Variants in ADAM23 observed in about 807,000 individuals in gnomAD.
The protein encoded by ADAM23 is ADAM metallopeptidase domain 23.
ADAM23 carries 33 observed loss-of-function variants against 120.1 expected under a neutral mutation model. The observed-to-expected ratio is 0.27, with a 90% CI of 0.21 to 0.37. ADAM23 has a LOEUF of 0.37. Ranked by LOEUF, ADAM23 falls within the 10% of genes least tolerant of loss-of-function variation. The probability of loss-of-function intolerance (pLI) is 1.00; values close to 1 mark genes in which losing one functional copy is unlikely to be tolerated. For missense variants in ADAM23, 862 were observed against 1,058.2 expected, an observed-to-expected ratio of 0.81 and a Z score of 2.57; for synonymous variants, 367 against 375.2, an observed-to-expected ratio of 0.98 and a Z score of 0.25.
At chr2:206,583,741 C>T (rs894555946) in intron 18 of ADAM23, among the ~76,000 whole-genome samples, 3 of 152,068 alleles carry the variant, frequency 2.0e-5, no homozygotes, top group African/African-American at 7.2e-5. Flanking sequence ...TTACTATTTC[C>T]ATGAATATTT....
Position 206,445,477 on chromosome 2 carries a change from T to TA in ADAM23, c.386dup (p.Tyr129Ter). 1 of 1,614,138 alleles carries TA rather than the reference T, an allele frequency of 6.2e-7. No homozygotes were observed. Among genetic ancestry groups the TA allele is most frequent in the Non-Finnish European group, 8.5e-7 (1 of 1,180,006 alleles). Residue 129 changes from tyrosine (Y) to a stop codon, truncating the protein, a stop_gained and frameshift_variant, in exon 2 of 26, where the codon TAT becomes TAAT. Coordinates refer to ENST00000264377, the MANE Select transcript of ADAM23 (RefSeq NM_003812.4). LOFTEE classifies it high-confidence loss of function. Reference protein sequence around the residue: ...YYINQDSESPYHVLDTKARHQ... With the variant: ...YYINQDSESP ...CATCAACCAAGACTCGGAAAGCCCT[T>TA]ATCACGTTCTTGACACAAAGGCAAG...
Position 206,496,405 on chromosome 2 carries a change from G to C in ADAM23, c.509+15097G>C, listed in dbSNP as rs1696248841. ...ACAACCTGCTCCTGAATAACTACTGGGTACATAACGAAATGAAGGCAGAAA... is the reference window on the plus strand; with the variant it reads ...ACAACCTGCTCCTGAATAACTACTGCGTACATAACGAAATGAAGGCAGAAA... On this transcript the variant is annotated intron_variant, in intron 3 of 25. Coordinates refer to ENST00000264377, the MANE Select transcript of ADAM23 (RefSeq NM_003812.4). Among the ~76,000 whole-genome samples, 7 of 151,918 alleles carry C rather than the reference G, an allele frequency of 4.6e-5. No individual in the cohort carries two copies. In the South Asian group the frequency reaches 1.5e-3, roughly 32 times the overall value.
chr2:206,464,743 G>A (rs1392994159), intron 2 of ADAM23, among the ~76,000 whole-genome samples: 1 of 152,076 alleles, frequency 6.6e-6, no homozygotes, highest in Non-Finnish European at 1.5e-5. Context: ...GCAGTGTCTG[G>A]AGATATTTTT....
At chr2:206,604,245 G>A (rs978668421) in intron 24 of ADAM23, among the ~76,000 whole-genome samples, 4 of 151,836 alleles carry the variant, frequency 2.6e-5, no homozygotes, top group Non-Finnish European at 5.9e-5. Context: ...CAGCCTGGGC[G>A]ACAGAGCGAG....
intron 24 of ADAM23, among the ~76,000 whole-genome samples, chr2:206,602,344 G>A (rs1352060581): frequency 1.3e-5 from 2 of 152,076 alleles, no homozygotes; most frequent in Admixed American, 1.3e-4. Context: ...ATTTGTCCAT[G>A]TATCTAAAAA....
At chr2:206,598,071 C>T (rs1162595909) in intron 24 of ADAM23, among the ~76,000 whole-genome samples, 1 of 152,184 alleles carries the variant, frequency 6.6e-6, no homozygotes, top group Non-Finnish European at 1.5e-5. Flanking sequence ...CACTTTTACA[C>T]TTAGTCTTTT....
At chr2:206,611,236 G>T (rs541359781) in intron 25 of ADAM23, among the ~76,000 whole-genome samples, 1 of 152,120 alleles carries the variant, frequency 6.6e-6, no homozygotes, top group South Asian at 2.1e-4. Flanking sequence ...TTTTCTCTCG[G>T]TATATTTGTA....
chr2:206,495,719 AG>A (rs1254840201), intron 3 of ADAM23, among the ~76,000 whole-genome samples: 1 of 152,216 alleles, frequency 6.6e-6, no homozygotes, highest in Non-Finnish European at 1.5e-5. Context: ...TTGGGTAAAG[AG>A]TCAAGACCCA....
At chr2:206,498,993 A>G (rs1696320855) in intron 3 of ADAM23, among the ~76,000 whole-genome samples, 1 of 152,126 alleles carries the variant, frequency 6.6e-6, no homozygotes, top group Non-Finnish European at 1.5e-5. Context: ...AAGTCAGGAA[A>G]CAACAGGTGC....
At chr2:206,596,889 A>C (rs375864874) in intron 24 of ADAM23, among the ~76,000 whole-genome samples, 8 of 141,506 alleles carry the variant, frequency 5.7e-5, no homozygotes, top group African/African-American at 1.8e-4. Context: ...CTTCCCATCC[A>C]TTATATCATC....
intron 9 of ADAM23, among the ~76,000 whole-genome samples, chr2:206,551,875 A>T (rs970780324): frequency 3.3e-5 from 5 of 152,154 alleles, no homozygotes; most frequent in Non-Finnish European, 5.9e-5. Context: ...TTGAGATGTT[A>T]GTAAGAAGCA....
rs1204934223 is a variant in ADAM23, at chr2:206,617,982, C to T, written c.*355C>T. The T allele has an allele frequency of 5.1e-6, 1 of 195,668 alleles. No individual in the cohort carries two copies. Among genetic ancestry groups the T allele is most frequent in the African/African-American group, 2.3e-5 (1 of 42,566 alleles). The allele number at this position is 195,668 out of a possible 1,614,324, so 12.1% of individuals were successfully genotyped here. A position where few individuals can be genotyped will look rare whatever the true frequency, so the allele number is the denominator to read the frequency against. On this transcript the variant is annotated 3_prime_UTR_variant, in exon 26 of 26. Transcript: ENST00000264377. ...AAAAATAGTAAATGATTTTTTTTCC[C>T]TCAGCCTGCTGGCACTTAATATCTT...
intron 2 of ADAM23, among the ~76,000 whole-genome samples, chr2:206,468,847 A>G (rs954740598): frequency 2.6e-5 from 4 of 152,246 alleles, no homozygotes; most frequent in Admixed American, 6.5e-5. Flanking sequence ...TACAGGAACC[A>G]TGACAGCATC....
At chr2:206,485,340 A>G (rs1416352159) in intron 3 of ADAM23, among the ~76,000 whole-genome samples, 1 of 152,230 alleles carries the variant, frequency 6.6e-6, no homozygotes, top group Admixed American at 6.5e-5. Flanking sequence ...CTGAGGAAAG[A>G]GGGACCTCAT....
chr2:206,486,334 T>C (rs1018031069), intron 3 of ADAM23, among the ~76,000 whole-genome samples: 1 of 151,836 alleles, frequency 6.6e-6, no homozygotes, highest in African/African-American at 2.4e-5. Flanking sequence ...ACGTTTCTTG[T>C]CTTTCCTTTT....
At position 206,567,893 on chromosome 2, in the gene ADAM23, G is replaced by T. The variant is rs1268896340; in HGVS notation, c.1494+571G>T. On this transcript the variant is annotated intron_variant, in intron 15 of 25. Transcript: ENST00000264377. ...GGGGAAGCAGGCATCTTCTTCACAA[G>T]GTGGCAGGAGAGAGAGAAAGAGTGC... Among the ~76,000 whole-genome samples, 3 of 152,178 alleles carry T rather than the reference G, an allele frequency of 2.0e-5. No individual in the cohort carries two copies. In the East Asian group the frequency reaches 5.8e-4, roughly 29 times the overall value.
intron 9 of ADAM23, among the ~76,000 whole-genome samples, chr2:206,554,578 A>G (rs186549136): frequency 1.1e-3 from 163 of 152,232 alleles, no homozygotes; most frequent in Non-Finnish European, 1.2e-3. Context: ...ACACCTAACA[A>G]ATTTTGAGTT....
At chr2:206,555,025 C>T (rs1033143497) in intron 9 of ADAM23, among the ~76,000 whole-genome samples, 2 of 152,036 alleles carry the variant, frequency 1.3e-5, no homozygotes, top group East Asian at 1.9e-4. Context: ...ATGTGAGTGC[C>T]GCAGGGCTTG....
intron 25 of ADAM23, among the ~76,000 whole-genome samples, chr2:206,611,521 T>G (rs1466644441): frequency 6.6e-6 from 1 of 152,238 alleles, no homozygotes; most frequent in East Asian, 1.9e-4. Context: ...TTCCTTGAAC[T>G]TTTTCATTAG....
Sources: gnomAD v4.1 joint callset for allele counts (sites outside exome capture counted in the v4.1 genomes callset) on GRCh38, gnomAD v4.1.1 for gene constraint, MANE v1.5 for transcripts, NCBI Gene and HGNC (gene_info 2026-07-23, HGNC 2026-07-21) for gene names.